The following FOXP2 variants were observed in gnomAD, a reference collection of about 807,000 sequenced individuals.
FOXP2 encodes forkhead box protein P2.
FOXP2 carries 12 observed loss-of-function variants against 115.8 expected under a neutral mutation model. That is an observed-to-expected ratio of 0.10 (90% CI 0.07 to 0.17). The LOEUF is 0.17. Among genes scored for constraint, FOXP2 ranks in the 10% least tolerant of loss-of-function variants. The pLI is 1.00. For missense variants in FOXP2, 629 were observed against 843.5 expected (o/e 0.75, Z 3.15); for synonymous variants, 328 against 297.7 (o/e 1.10, Z -1.05).
intron 2 of FOXP2, among the ~76,000 whole-genome samples, chr7:114,472,911 C>G (rs888309985): frequency 6.6e-6 from 1 of 152,106 alleles, no homozygotes; most frequent in Admixed American, 6.6e-5. Context: ...CACAGGGATT[C>G]TCTCAACACT....
intron 1 of FOXP2, among the ~76,000 whole-genome samples, chr7:114,255,588 G>A (rs371153198): frequency 4.6e-5 from 7 of 152,208 alleles, no homozygotes; most frequent in Non-Finnish European, 5.9e-5. Flanking sequence ...GGGACCCTCC[G>A]AGCCAGGCGG....
At chr7:114,167,573 A>G (rs1461366527) in intron 1 of FOXP2, among the ~76,000 whole-genome samples, 1 of 152,092 alleles carries the variant, frequency 6.6e-6, no homozygotes, top group Non-Finnish European at 1.5e-5. Flanking sequence ...TAATTGAATC[A>G]TGGGGGCAGG....
chr7:114,128,051 A>G (rs1001182482), intron 1 of FOXP2, among the ~76,000 whole-genome samples: 2 of 152,230 alleles, frequency 1.3e-5, no homozygotes, highest in African/African-American at 4.8e-5. Context: ...CATATATTGG[A>G]ATGTTAGGGA....
intron 2 of FOXP2, among the ~76,000 whole-genome samples, chr7:114,291,463 GTATTAGTTTTC>G (rs1796588144): frequency 6.6e-6 from 1 of 152,060 alleles, no homozygotes; most frequent in Admixed American, 6.6e-5. Flanking sequence ...GTTAGAATGT[GTATTAGTTTTC>G]TATTACCATA....
At chr7:114,353,449 A>C (rs893195996) in intron 2 of FOXP2, among the ~76,000 whole-genome samples, 5 of 148,012 alleles carry the variant, frequency 3.4e-5, no homozygotes, top group African/African-American at 1.2e-4. Context: ...ATATTCATGC[A>C]CTTCCAAGCA....
At chr7:114,605,408 T>C (rs1803264735) in intron 3 of FOXP2, among the ~76,000 whole-genome samples, 1 of 152,212 alleles carries the variant, frequency 6.6e-6, no homozygotes, top group Admixed American at 6.5e-5. Flanking sequence ...ACCCCTACTA[T>C]GTGCAAAAGC....
intron 1 of FOXP2, among the ~76,000 whole-genome samples, chr7:114,152,597 TC>T (rs1265734842): frequency 6.6e-6 from 1 of 152,138 alleles, no homozygotes; most frequent in Non-Finnish European, 1.5e-5. Flanking sequence ...TGTAAATAAG[TC>T]TGGAACATCG....
At chr7:114,430,293 G>A (rs375637088) in intron 2 of FOXP2, among the ~76,000 whole-genome samples, 4 of 151,602 alleles carry the variant, frequency 2.6e-5, no homozygotes, top group African/African-American at 7.2e-5. Flanking sequence ...AATTACAAAC[G>A]CACTTTTCAA....
chr7:114,658,151 C>G lies in FOXP2; in HGVS notation c.1352C>G (p.Thr451Arg). The change falls in exon 11 of 17, where the codon ACG (threonine) becomes AGG (arginine). Residue 451 changes from threonine to arginine, a missense_variant. Thr to Arg is a moderately conservative substitution (Grantham distance 71). This residue lies in a region of FOXP2 where 101 missense variants were observed against 116.0 expected (regional missense o/e 0.87). Coordinates refer to ENST00000350908, the MANE Select transcript of FOXP2 (RefSeq NM_014491.4). ...TTACCTCAAACCCCTACCACACCAA[C>G]GGCCCCAGTCACCCCGATTACCCAG... ...QSLPQTPTTP[T>R]APVTPITQGP... is the part of the protein sequence containing the mutation. 1 of 1,613,952 alleles carries G rather than the reference C, an allele frequency of 6.2e-7. No individual in the cohort carries two copies. The highest frequency in any genetic ancestry group is 1.7e-5 in the Admixed American group (1 of 60,000).
chr7:114,359,074 G>A (rs1791684318), intron 2 of FOXP2, among the ~76,000 whole-genome samples: 1 of 152,140 alleles, frequency 6.6e-6, no homozygotes, highest in South Asian at 2.1e-4. Context: ...AGGACGCCTA[G>A]GAGGAAAAAA....
intron 1 of FOXP2, among the ~76,000 whole-genome samples, chr7:114,187,402 T>G (rs1312032578): frequency 6.6e-6 from 1 of 152,176 alleles, no homozygotes; most frequent in Non-Finnish European, 1.5e-5. Context: ...TCAGCCAAAT[T>G]TGTTGCTACT....
intron 2 of FOXP2, among the ~76,000 whole-genome samples, chr7:114,457,735 A>C (rs1271321059): frequency 6.6e-6 from 1 of 152,080 alleles, no homozygotes; most frequent in Non-Finnish European, 1.5e-5. Flanking sequence ...CGTCTCTACT[A>C]AAAATACAAA....
chr7:114,286,072 A>G (rs1025181065), intron 1 of FOXP2, among the ~76,000 whole-genome samples: 4 of 151,820 alleles, frequency 2.6e-5, no homozygotes, highest in African/African-American at 9.7e-5. Flanking sequence ...CAGAAATTCA[A>G]ATTTCTATAT....
intron 6 of FOXP2, among the ~76,000 whole-genome samples, chr7:114,641,290 A>G (rs774509709): frequency 2.6e-5 from 4 of 152,232 alleles, no homozygotes; most frequent in Non-Finnish European, 5.9e-5. Flanking sequence ...ACTGTAAGCA[A>G]TAGTCTCTCA....
intron 2 of FOXP2, among the ~76,000 whole-genome samples, chr7:114,393,735 A>T (rs1313919617): frequency 1.3e-5 from 2 of 152,168 alleles, no homozygotes; most frequent in Non-Finnish European, 2.9e-5. Context: ...ACATAAGAGA[A>T]TAATGGAGGG....
intron 2 of FOXP2, among the ~76,000 whole-genome samples, chr7:114,433,084 C>A (rs1386191523): frequency 6.6e-6 from 1 of 151,960 alleles, no homozygotes; most frequent in Non-Finnish European, 1.5e-5. Flanking sequence ...CCATTTCATG[C>A]CTGATCTGCT....
intron 8 of FOXP2, among the ~76,000 whole-genome samples, chr7:114,647,999 TG>T (rs904512548): frequency 4.0e-4 from 61 of 152,022 alleles, no homozygotes; most frequent in African/African-American, 1.3e-3. Context: ...AATTAGTAGA[TG>T]GGTGTAAATG....
intron 1 of FOXP2, among the ~76,000 whole-genome samples, chr7:114,204,607 A>C (rs572080811): frequency 1.3e-5 from 2 of 152,336 alleles, no homozygotes; most frequent in East Asian, 3.9e-4. Context: ...AAACAAAACA[A>C]AACAAAAAAA....
At chr7:114,168,796 A>G (rs1043374955) in intron 1 of FOXP2, among the ~76,000 whole-genome samples, 1 of 152,064 alleles carries the variant, frequency 6.6e-6, no homozygotes, top group Non-Finnish European at 1.5e-5. Context: ...GCCTAGGAGG[A>G]GAAAGTAGTT....
Sources: allele counts gnomAD v4.1 joint callset (sites outside exome capture counted in the v4.1 genomes callset), GRCh38; gene constraint gnomAD v4.1.1; regional missense constraint gnomAD v4.1.1; transcripts MANE v1.5; gene names NCBI Gene and HGNC (gene_info 2026-07-23, HGNC 2026-07-21).